SETBP1: variants seen among roughly 807,000 people sequenced by gnomAD.
SETBP1 encodes the protein SET binding protein 1, also known as SET-binding protein.
Under a neutral mutation model 101.0 loss-of-function variants are expected in SETBP1, and 9 were observed. That is an observed-to-expected ratio of 0.09 (90% CI 0.05 to 0.16). The LOEUF (loss-of-function observed/expected upper bound fraction) is 0.16. Ranked by LOEUF, SETBP1 falls within the 10% of genes least tolerant of loss-of-function variation. The pLI, the probability that SETBP1 is intolerant of heterozygous loss-of-function variation, is 1.00. For missense variants in SETBP1, 1,858 were observed against 2,033.8 expected, an observed-to-expected ratio of 0.91 and a Z score of 1.66; for synonymous variants, 818 against 788.5, an observed-to-expected ratio of 1.04 and a Z score of -0.63.
chr18:44,806,623 CTTTTTTTTTTTTTTTTTTTTTTTTTTT>C (rs71177656), intron 2 of SETBP1, among the ~76,000 whole-genome samples: 186 of 27,840 alleles, frequency 6.7e-3, no homozygotes, highest in Middle Eastern at 0.02. Flanking sequence ...TAATGAGCTC[CTTTTTTTTTTTTTTTTTTTTTTTTTTT>C]TTTTTTTTTT....
chr18:45,035,011 A>ATT (rs1395374478), intron 4 of SETBP1, among the ~76,000 whole-genome samples: 3 of 143,408 alleles, frequency 2.1e-5, no homozygotes, highest in African/African-American at 7.7e-5. Flanking sequence ...CCCCGCCCCC[A>ATT]ACTTTGCTTT....
intron 4 of SETBP1, chr18:44,988,388 T>C (rs1288719715): frequency 1.3e-5 from 2 of 152,192 alleles, no homozygotes; most frequent in African/African-American, 2.4e-5. Context: ...GGGATTAAAA[T>C]AATATAAAAG....
At position 44,950,143 on chromosome 18, in the gene SETBP1, G is replaced by T; in HGVS notation, c.803G>T (p.Gly268Val). The change falls in exon 4 of 6, where the codon GGC (glycine) becomes GTC (valine). Residue 268 changes from glycine (G) to valine (V), a missense_variant. By Grantham distance (109) the Gly-to-Val change is moderately radical. Transcript: ENST00000649279. ...ASFAKAQGKKGSAGNTWSQLS... is the reference protein window; with the variant it reads ...ASFAKAQGKKVSAGNTWSQLS... Reference sequence around the variant, plus strand: ...TTTGCAAAGGCCCAGGGTAAGAAAGGCAGTGCAGGGAACACGTGGAGTCAG... The same window carrying T: ...TTTGCAAAGGCCCAGGGTAAGAAAGTCAGTGCAGGGAACACGTGGAGTCAG... 6.2e-7 allele frequency: 1 copy of T among 1,613,872 alleles called. No individual in the cohort carries two copies.
At chr18:44,851,413 A>G (rs1184237071) in intron 2 of SETBP1, among the ~76,000 whole-genome samples, 1 of 152,208 alleles carries the variant, frequency 6.6e-6, no homozygotes, top group Non-Finnish European at 1.5e-5. Flanking sequence ...TTTTAGGGAA[A>G]TGCAACTCAG....
intron 3 of SETBP1, chr18:44,869,546 G>A (rs547490612): frequency 1.0e-5 from 4 of 384,190 alleles, no homozygotes; most frequent in South Asian, 8.4e-5. Context: ...TGCTCGGAAT[G>A]TTAAGTGTTG....
intron 2 of SETBP1, among the ~76,000 whole-genome samples, chr18:44,780,794 A>G (rs748871547): frequency 3.9e-5 from 6 of 152,190 alleles, no homozygotes; most frequent in Admixed American, 6.5e-5. Context: ...GGACCAGCAT[A>G]CTGTGGCAGC....
intron 3 of SETBP1, among the ~76,000 whole-genome samples, chr18:44,920,203 T>A (rs1033963691): frequency 4.1e-4 from 63 of 151,998 alleles, no homozygotes; most frequent in Non-Finnish European, 5.9e-5. Flanking sequence ...GGCAGAAGAG[T>A]AGGAGAGAGT....
Position 45,053,647 on chromosome 18 carries a change from T to C in SETBP1, c.4172-9432T>C, listed in dbSNP as rs375734186. On this transcript the variant is annotated intron_variant, in intron 5 of 5. Coordinates refer to ENST00000649279, the MANE Select transcript of SETBP1 (RefSeq NM_015559.3). ...CAAAACAGAGATACTCACCATTATA[T>C]GTAATTCTTGAAGTTCTAGCATGGT... Among the ~76,000 whole-genome samples the C allele has an allele frequency of 2.0e-5, 3 of 152,344 alleles. No individual in the cohort carries two copies. The South Asian group carries it at 6.2e-4, about 32-fold the overall frequency.
intron 3 of SETBP1, 55 bp from the exon 4 acceptor site, chr18:44,949,826 T>A: frequency 7.3e-7 from 1 of 1,377,908 alleles, no homozygotes; most frequent in Non-Finnish European, 1.0e-6. Context: ...TTCAACATGC[T>A]CATCTTTGTT....
intron 2 of SETBP1, among the ~76,000 whole-genome samples, chr18:44,735,873 T>G (rs972891917): frequency 1.3e-5 from 2 of 152,216 alleles, no homozygotes; most frequent in Non-Finnish European, 2.9e-5. Context: ...TGGCTTCTGG[T>G]GAGTCCTTTT....
At chr18:45,054,707 C>A (rs956406607) in intron 5 of SETBP1, among the ~76,000 whole-genome samples, 1 of 152,140 alleles carries the variant, frequency 6.6e-6, no homozygotes, top group Admixed American at 6.5e-5. Flanking sequence ...CCTTAGAAGT[C>A]CCTTGAGCAA....
At chr18:44,960,840 G>A (rs191491212) in intron 4 of SETBP1, among the ~76,000 whole-genome samples, 12 of 151,998 alleles carry the variant, frequency 7.9e-5, no homozygotes, top group East Asian at 5.8e-4. Context: ...CTCCACCCCC[G>A]GATTATAACT....
At chr18:44,702,342 T>C (rs1362852966) in intron 2 of SETBP1, among the ~76,000 whole-genome samples, 1 of 152,160 alleles carries the variant, frequency 6.6e-6, no homozygotes, top group Non-Finnish European at 1.5e-5. Flanking sequence ...CCCGTGTTGT[T>C]CAAGTGTCAT....
intron 3 of SETBP1, among the ~76,000 whole-genome samples, chr18:44,906,296 C>T (rs2070173759): frequency 6.6e-6 from 1 of 152,162 alleles, no homozygotes; most frequent in African/African-American, 2.4e-5. Context: ...AAACTAGGGG[C>T]TATCCTTTTT....
At chr18:44,946,569 G>A (rs570832970) in intron 3 of SETBP1, among the ~76,000 whole-genome samples, 4 of 152,316 alleles carry the variant, frequency 2.6e-5, no homozygotes, top group South Asian at 4.1e-4. Flanking sequence ...TGTTTAGCAC[G>A]TAAGGCATTT....
intron 3 of SETBP1, among the ~76,000 whole-genome samples, chr18:44,936,244 A>G (rs1409818166): frequency 6.6e-6 from 1 of 151,518 alleles, no homozygotes; most frequent in Non-Finnish European, 1.5e-5. Context: ...CTGCTGCTGG[A>G]AAAGACAGAG....
rs193141189 is a variant in SETBP1, at chr18:45,058,567, G to T, written c.4172-4512G>T. 2.5e-3 allele frequency among the ~76,000 whole-genome samples: 374 copies of T among 152,272 alleles called. 3 individuals carry two copies. Among genetic ancestry groups the T allele is most frequent in the Non-Finnish European group, 3.6e-3 (247 of 68,002 alleles). On this transcript the variant is annotated intron_variant, in intron 5 of 5. Transcript: ENST00000649279. ...GAAACAGAGATGGAGGGGTTAAGGGGTTTATCTCAGTTCACCTTGTTTTCC... is the reference window on the plus strand; with the variant it reads ...GAAACAGAGATGGAGGGGTTAAGGGTTTTATCTCAGTTCACCTTGTTTTCC...
intron 4 of SETBP1, among the ~76,000 whole-genome samples, chr18:44,967,876 C>A (rs927473392): frequency 2.0e-5 from 3 of 152,166 alleles, no homozygotes; most frequent in Non-Finnish European, 4.4e-5. Context: ...TTTGCACATG[C>A]CATTTCTCTC....
intron 3 of SETBP1, among the ~76,000 whole-genome samples, chr18:44,880,877 A>T (rs957651297): frequency 1.3e-5 from 2 of 152,192 alleles, no homozygotes; most frequent in Non-Finnish European, 2.9e-5. Flanking sequence ...TGACATTTCA[A>T]CATGAGATCT....
Sources: allele counts gnomAD v4.1 joint callset (sites outside exome capture counted in the v4.1 genomes callset), GRCh38; gene constraint gnomAD v4.1.1; transcripts MANE v1.5; gene names NCBI Gene and HGNC (gene_info 2026-07-23, HGNC 2026-07-21).